The following TRAPPC8 variants were observed in gnomAD, a reference collection of about 807,000 sequenced individuals.
The protein encoded by TRAPPC8 is general sporulation gene 1 homolog.
TRAPPC8 carries 54 observed loss-of-function variants against 174.3 expected under a neutral mutation model. The observed-to-expected ratio is 0.31, with a 90% confidence interval of 0.25 to 0.39. The LOEUF is 0.39. Ranked by LOEUF, TRAPPC8 falls within the 10% of genes least tolerant of loss-of-function variation. The probability of loss-of-function intolerance (pLI) is 1.00; values close to 1 mark genes in which losing one functional copy is unlikely to be tolerated. For synonymous variants in TRAPPC8, 630 were observed against 579.9 expected (o/e 1.09, Z -1.24); for missense variants, 1,531 against 1,699.1 (o/e 0.90, Z 1.74).
intron 25 of TRAPPC8, among the ~76,000 whole-genome samples, chr18:31,848,678 T>G (rs2033541518): frequency 6.6e-6 from 1 of 152,194 alleles, no homozygotes; most frequent in Non-Finnish European, 1.5e-5. Context: ...AAAATACATG[T>G]ATTGATCACC....
At chr18:31,924,161 T>C (rs959276099) in intron 2 of TRAPPC8, among the ~76,000 whole-genome samples, 1 of 152,034 alleles carries the variant, frequency 6.6e-6, no homozygotes, top group African/African-American at 2.4e-5. Flanking sequence ...GGCGGGTGCC[T>C]GTAATCCCAG....
chr18:31,881,741 C>T (rs1023587373), intron 12 of TRAPPC8, among the ~76,000 whole-genome samples: 1 of 152,056 alleles, frequency 6.6e-6, no homozygotes, highest in African/African-American at 2.4e-5. Context: ...GCAAACTACA[C>T]ATCCGACAAA....
intron 13 of TRAPPC8, 146 bp downstream of exon 13, chr18:31,874,334 C>T (rs2035034694): frequency 2.6e-6 from 2 of 774,664 alleles, no homozygotes; most frequent in African/African-American, 1.8e-5. Context: ...AGATCTATAG[C>T]CAAAAAGCCT....
chr18:31,889,720 T>C (rs2035875021), intron 12 of TRAPPC8, among the ~76,000 whole-genome samples: 1 of 152,138 alleles, frequency 6.6e-6, no homozygotes, highest in Admixed American at 6.6e-5. Flanking sequence ...ATTTGAAAGG[T>C]TTTTTAATGA....
Position 31,931,398 on chromosome 18 carries a change from C to T in TRAPPC8, c.283G>A (p.Gly95Ser). 2.5e-6 allele frequency: 4 copies of T among 1,612,532 alleles called. No individual in the cohort carries two copies. The highest frequency in any genetic ancestry group is 3.4e-6 in the Non-Finnish European group (4 of 1,179,126). Residue 95 changes from glycine to serine, a missense_variant, in exon 2 of 29, where the codon GGC (glycine) becomes AGC (serine). Physicochemically the swap from Gly to Ser is moderately conservative, Grantham distance 56. Transcript: ENST00000283351. ...IRKLLNDVVS[G>S]SQPAEGLVAN... ...ACTAATCCTTCTGCAGGCTGACTGC[C>T]AGAAACAACATCATTCAAAAGCTTC...
intron 27 of TRAPPC8, among the ~76,000 whole-genome samples, chr18:31,832,817 A>C (rs937697807): frequency 2.6e-5 from 4 of 152,218 alleles, no homozygotes; most frequent in Non-Finnish European, 4.4e-5. Context: ...GCAAGAAATG[A>C]ATATAACATG....
In TRAPPC8 at chr18:31,848,141, C is replaced by T. The variant is rs543868215; in HGVS notation, c.3736-1324G>A. ...CTTTCTCCATTGAGTAAATTATAAA[C>T]TTACCAGGGTACTAGCCACTACCAA... On this transcript the variant is annotated intron_variant, in intron 25 of 28. Transcript: ENST00000283351. 1.7e-3 allele frequency among the ~76,000 whole-genome samples: 253 copies of T among 152,244 alleles called. 3 individuals carry two copies. The highest frequency in any genetic ancestry group is 2.7e-3 in the Non-Finnish European group (181 of 68,010).
At chr18:31,900,901 T>C in intron 10 of TRAPPC8, 24 bp downstream of exon 10, 3 of 1,440,672 alleles carry the variant, frequency 2.1e-6, no homozygotes, top group South Asian at 1.2e-5. Flanking sequence ...CTGGATACAA[T>C]ATAAATCTTA....
intron 2 of TRAPPC8, among the ~76,000 whole-genome samples, chr18:31,927,740 G>A (rs535616333): frequency 6.6e-6 from 1 of 152,274 alleles, no homozygotes; most frequent in African/African-American, 2.4e-5. Context: ...GGGCTTTGGA[G>A]GTTAGCAAAA....
intron 12 of TRAPPC8, among the ~76,000 whole-genome samples, chr18:31,882,304 C>A (rs1004212765): frequency 6.6e-6 from 1 of 152,008 alleles, no homozygotes; most frequent in Non-Finnish European, 1.5e-5. Context: ...TCCTTTGCAG[C>A]AACATGGATG....
chr18:31,902,979 A>AG (rs2036502140), intron 9 of TRAPPC8, among the ~76,000 whole-genome samples: 2 of 148,824 alleles, frequency 1.3e-5, no homozygotes, highest in Admixed American at 1.4e-4. Flanking sequence ...AACCCCGGGG[A>AG]GCGGAGCCTG....
intron 2 of TRAPPC8, 131 bp downstream of exon 2, chr18:31,931,198 A>T (rs903232863): frequency 1.3e-6 from 1 of 754,450 alleles, no homozygotes; most frequent in Non-Finnish European, 1.9e-6. Context: ...ACTGTTTTCA[A>T]CATTGTATTC....
chr18:31,846,213 A>T (rs1187133366), intron 26 of TRAPPC8, among the ~76,000 whole-genome samples: 1 of 152,190 alleles, frequency 6.6e-6, no homozygotes, highest in Non-Finnish European at 1.5e-5. Flanking sequence ...TTTTAAAATC[A>T]ATTTATGTTC....
intron 27 of TRAPPC8, chr18:31,832,741 A>G (rs1340119501): frequency 6.6e-6 from 1 of 152,214 alleles, no homozygotes. Flanking sequence ...TTACTAAAGC[A>G]TAGGAAAAAA....
chr18:31,832,165 A>G lies in TRAPPC8; in HGVS notation c.3992T>C (p.Leu1331Ser). The change falls in exon 28 of 29, where the codon TTA becomes TCA. Residue 1331 changes from leucine (L) to serine (S), a missense_variant. Physicochemically the swap from Leu to Ser is moderately radical, Grantham distance 145. Coordinates refer to ENST00000283351, the MANE Select transcript of TRAPPC8 (RefSeq NM_014939.5). ...GGAAAGTAAAAGAGTGACTGGTACTAAACAAAGGCTATGGAAGAAAAATAA... is the reference window on the plus strand; with the variant it reads ...GGAAAGTAAAAGAGTGACTGGTACTGAACAAAGGCTATGGAAGAAAAATAA... ...NHPFHQKSLCLVPVTLLLSNC... is the reference protein window; with the variant it reads ...NHPFHQKSLCSVPVTLLLSNC... The G allele has an allele frequency of 2.7e-6, 4 of 1,509,180 alleles. No individual in the cohort carries two copies. The highest frequency in any genetic ancestry group is 3.5e-6 in the Non-Finnish European group (4 of 1,139,496). The allele number at this position is 1,509,180 out of a possible 1,614,324, so 93.5% of individuals were successfully genotyped here.
intron 12 of TRAPPC8, among the ~76,000 whole-genome samples, chr18:31,879,224 G>A (rs2035303562): frequency 6.6e-6 from 1 of 152,056 alleles, no homozygotes; most frequent in Non-Finnish European, 1.5e-5. Context: ...CATATACTGG[G>A]TCACAAAGCA....
At chr18:31,877,348 C>A (rs1222694536) in intron 12 of TRAPPC8, among the ~76,000 whole-genome samples, 3 of 152,162 alleles carry the variant, frequency 2.0e-5, no homozygotes, top group Non-Finnish European at 4.4e-5. Flanking sequence ...CGCGGTGGCT[C>A]ACACCTGTAA....
At chr18:31,940,445 A>G (rs2038282655) in intron 1 of TRAPPC8, among the ~76,000 whole-genome samples, 2 of 152,202 alleles carry the variant, frequency 1.3e-5, no homozygotes, top group Non-Finnish European at 2.9e-5. Context: ...CAGCCTGGGC[A>G]ACAGGGCAAG....
intron 1 of TRAPPC8, among the ~76,000 whole-genome samples, chr18:31,935,975 G>A (rs2038080669): frequency 6.6e-6 from 1 of 151,292 alleles, no homozygotes; most frequent in South Asian, 2.1e-4. Context: ...TTGACCTCAT[G>A]ATCCACCCAC....
Sources: gnomAD v4.1 joint callset for allele counts (sites outside exome capture counted in the v4.1 genomes callset) on GRCh38, gnomAD v4.1.1 for gene constraint, MANE v1.5 for transcripts, NCBI Gene and HGNC (gene_info 2026-07-23, HGNC 2026-07-21) for gene names.